The following SGMS1 variants were observed in gnomAD, a reference collection of about 807,000 sequenced individuals.
SGMS1 encodes the protein sphingomyelin synthase 1, also known as phosphatidylcholine:ceramide cholinephosphotransferase 1.
A neutral mutation model predicts 46.2 loss-of-function variants in SGMS1; 13 were observed. The ratio of observed to expected loss-of-function variants is 0.28; its 90% CI spans 0.18 to 0.45. The LOEUF (loss-of-function observed/expected upper bound fraction) is 0.45, where lower values mean the gene tolerates loss of function less well. SGMS1 is among the 20% of genes least tolerant of loss of function. The pLI is 1.00. For missense variants in SGMS1, 324 were observed against 519.9 expected, an observed-to-expected ratio of 0.62 and a Z score of 3.66; for synonymous variants, 203 against 187.8, an observed-to-expected ratio of 1.08 and a Z score of -0.66.
rs111268881 is a variant in SGMS1, at chr10:50,326,344, T to C, written c.741+861A>G. On this transcript the variant is annotated intron_variant, in intron 8 of 10. Coordinates refer to ENST00000361781, the MANE Select transcript of SGMS1 (RefSeq NM_147156.4). ...AATTTTTCAGCTCTCTTTCCAAAGA[T>C]TCTATCAAAGAGAACATCTCTTCTG... 8.0e-3 allele frequency among the ~76,000 whole-genome samples: 1,220 copies of C among 152,176 alleles called. 19 individuals carry two copies. The highest frequency in any genetic ancestry group is 0.027 in the African/African-American group (1,113 of 41,526).
At chr10:50,478,867 G>A (rs914657013) in intron 3 of SGMS1, among the ~76,000 whole-genome samples, 9 of 152,012 alleles carry the variant, frequency 5.9e-5, no homozygotes, top group Non-Finnish European at 1.3e-4. Context: ...ACCACATAGT[G>A]TACTTAGATT....
intron 1 of SGMS1, among the ~76,000 whole-genome samples, chr10:50,607,931 T>C (rs1838712448): frequency 6.6e-6 from 1 of 152,068 alleles, no homozygotes; most frequent in Admixed American, 6.5e-5. Context: ...AACAAATAAG[T>C]AAAGGCCTTG....
chr10:50,479,105 T>C (rs914372394), intron 3 of SGMS1, among the ~76,000 whole-genome samples: 1 of 151,740 alleles, frequency 6.6e-6, no homozygotes, highest in South Asian at 2.1e-4. Flanking sequence ...AATATGTTAA[T>C]GAGTATAGTG....
intron 1 of SGMS1, among the ~76,000 whole-genome samples, chr10:50,595,986 A>C (rs527705608): frequency 6.6e-5 from 10 of 152,304 alleles, no homozygotes; most frequent in African/African-American, 2.4e-4. Context: ...AGAGAGACTA[A>C]CACCTGGCAC....
chr10:50,528,814 T>C (rs939323674), intron 2 of SGMS1, among the ~76,000 whole-genome samples: 5 of 151,070 alleles, frequency 3.3e-5, no homozygotes, highest in Non-Finnish European at 7.4e-5. Context: ...GAGCCATGAT[T>C]GCAACAGAGC....
intron 3 of SGMS1, among the ~76,000 whole-genome samples, chr10:50,472,542 T>C (rs1237280546): frequency 2.0e-5 from 3 of 152,154 alleles, no homozygotes; most frequent in Admixed American, 2.0e-4. Context: ...TTGCATAGTG[T>C]GTATATGCCA....
chr10:50,599,790 G>C (rs1838632281), intron 1 of SGMS1, among the ~76,000 whole-genome samples: 1 of 152,088 alleles, frequency 6.6e-6, no homozygotes, highest in Non-Finnish European at 1.5e-5. Flanking sequence ...TTGAACCCAG[G>C]AGTCAGAGGT....
chr10:50,577,092 G>C (rs1156644432), intron 2 of SGMS1, among the ~76,000 whole-genome samples: 1 of 152,166 alleles, frequency 6.6e-6, no homozygotes, highest in Non-Finnish European at 1.5e-5. Context: ...TCTTTGGCTG[G>C]CCCTCAGAAT....
intron 9 of SGMS1, among the ~76,000 whole-genome samples, chr10:50,310,128 C>T (rs1225516433): frequency 6.6e-6 from 1 of 152,152 alleles, no homozygotes; most frequent in Non-Finnish European, 1.5e-5. Context: ...TAAGCACCCC[C>T]TGTGATCTGG....
chr10:50,593,869 G>A (rs1352810192), intron 1 of SGMS1, among the ~76,000 whole-genome samples: 1 of 152,068 alleles, frequency 6.6e-6, no homozygotes, highest in East Asian at 1.9e-4. Flanking sequence ...GGACCCTCTG[G>A]GGATTTTGCA....
intron 3 of SGMS1, among the ~76,000 whole-genome samples, chr10:50,504,534 A>T (rs1420260942): frequency 6.6e-6 from 1 of 152,240 alleles, no homozygotes; most frequent in Non-Finnish European, 1.5e-5. Flanking sequence ...GTAATTGTGC[A>T]AGCTCATACA....
At chr10:50,523,121 G>A (rs1032988288) in intron 2 of SGMS1, among the ~76,000 whole-genome samples, 1 of 152,182 alleles carries the variant, frequency 6.6e-6, no homozygotes, top group Non-Finnish European at 1.5e-5. Context: ...CCGGATGCCT[G>A]CTGTTCACTG....
intron 8 of SGMS1, among the ~76,000 whole-genome samples, chr10:50,324,541 A>G (rs1032660441): frequency 6.6e-6 from 1 of 151,910 alleles, no homozygotes; most frequent in Non-Finnish European, 1.5e-5. Context: ...GTCTTCAGAT[A>G]CTCGTTCTCA....
At chr10:50,557,252 C>G (rs993659738) in intron 2 of SGMS1, among the ~76,000 whole-genome samples, 1 of 151,820 alleles carries the variant, frequency 6.6e-6, no homozygotes, top group African/African-American at 2.4e-5. Flanking sequence ...TAGATATTCA[C>G]AATAATGAAT....
chr10:50,365,434 A>C (rs1848323395), intron 6 of SGMS1, among the ~76,000 whole-genome samples: 1 of 152,066 alleles, frequency 6.6e-6, no homozygotes, highest in Non-Finnish European at 1.5e-5. Context: ...ATTTTATTTT[A>C]CTTTAAGTTA....
intron 6 of SGMS1, among the ~76,000 whole-genome samples, chr10:50,412,374 T>C (rs578181848): frequency 5.9e-5 from 9 of 152,158 alleles, no homozygotes; most frequent in African/African-American, 1.4e-4. Context: ...TTAACAGAAA[T>C]GCAAAACAGT....
At chr10:50,562,102 C>T (rs1021330402) in intron 2 of SGMS1, among the ~76,000 whole-genome samples, 7 of 152,130 alleles carry the variant, frequency 4.6e-5, no homozygotes, top group African/African-American at 1.4e-4. Context: ...TGTCTCAGGC[C>T]TACGCTTTCT....
intron 6 of SGMS1, among the ~76,000 whole-genome samples, chr10:50,421,262 C>T (rs953412892): frequency 2.6e-5 from 4 of 152,192 alleles, no homozygotes; most frequent in African/African-American, 4.8e-5. Flanking sequence ...CCAAATAACC[C>T]GCTGGTCCAC....
intron 3 of SGMS1, among the ~76,000 whole-genome samples, chr10:50,487,988 TA>T (rs1436334506): frequency 8.8e-5 from 4 of 45,344 alleles, no homozygotes; most frequent in South Asian, 1.4e-3. Flanking sequence ...GTTTTTATTT[TA>T]TTTATTTATT....
Sources: gnomAD v4.1 joint callset for allele counts (sites outside exome capture counted in the v4.1 genomes callset) on GRCh38, gnomAD v4.1.1 for gene constraint, MANE v1.5 for transcripts, NCBI Gene and HGNC (gene_info 2026-07-23, HGNC 2026-07-21) for gene names.